Variants in TECRL observed in about 807,000 individuals in gnomAD.
TECRL encodes the protein trans-2,3-enoyl-CoA reductase-like.
TECRL carries 63 observed loss-of-function variants against 52.8 expected under a neutral mutation model. The observed-to-expected ratio is 1.19, with a 90% CI of 0.97 to 1.47. The LOEUF (loss-of-function observed/expected upper bound fraction) is 1.47. TECRL is among the 40% of genes most tolerant of loss of function. The pLI is 0.00. For synonymous variants in TECRL, 164 were observed against 141.9 expected (o/e 1.16, Z -1.10); for missense variants, 482 against 429.6 (o/e 1.12, Z -1.08).
chr4:64,353,431 G>A (rs1227990519), intron 2 of TECRL, among the ~76,000 whole-genome samples: 2 of 152,108 alleles, frequency 1.3e-5, no homozygotes, highest in Admixed American at 6.6e-5. Flanking sequence ...GACTTGAACT[G>A]TGGTTGTTAT....
At chr4:64,338,834 A>G (rs574211881) in intron 2 of TECRL, among the ~76,000 whole-genome samples, 18 of 152,262 alleles carry the variant, frequency 1.2e-4, no homozygotes, top group South Asian at 4.1e-4. Flanking sequence ...CACTGTTGGT[A>G]GGACTGTAAA....
chr4:64,341,688 G>T (rs962721865), intron 2 of TECRL, among the ~76,000 whole-genome samples: 2 of 152,130 alleles, frequency 1.3e-5, no homozygotes, highest in African/African-American at 4.8e-5. Flanking sequence ...GCCTTTCAGG[G>T]AGCCCAGACC....
At chr4:64,372,146 T>C (rs1256893267) in intron 2 of TECRL, among the ~76,000 whole-genome samples, 1 of 151,764 alleles carries the variant, frequency 6.6e-6, no homozygotes, top group Non-Finnish European at 1.5e-5. Context: ...TAAAGGTACA[T>C]TAGCGTGAAA....
At chr4:64,405,762 G>A (rs1724674757) in intron 1 of TECRL, among the ~76,000 whole-genome samples, 2 of 152,068 alleles carry the variant, frequency 1.3e-5, no homozygotes, top group Admixed American at 6.6e-5. Flanking sequence ...TTCCTAATAA[G>A]TCAGTTGAAG....
rs546879453 is a variant in TECRL at position 64,342,308 on chromosome 4, C to G, written c.287-13752G>C. Among the ~76,000 whole-genome samples the G allele has an allele frequency of 2.0e-5, 3 of 152,120 alleles. No individual in the cohort carries two copies. The South Asian group carries it at 6.2e-4, about 32-fold the overall frequency. On this transcript the variant is annotated intron_variant, in intron 2 of 11. Coordinates refer to ENST00000381210, the MANE Select transcript of TECRL (RefSeq NM_001010874.5). Reference sequence around the variant, plus strand: ...AAGTACTCTGGATCATTTTGATCACCACTAGTATATGCAGTGATTGGAGGA... The same window carrying G: ...AAGTACTCTGGATCATTTTGATCACGACTAGTATATGCAGTGATTGGAGGA...
chr4:64,391,605 A>T (rs967361797), intron 1 of TECRL, among the ~76,000 whole-genome samples: 2 of 151,830 alleles, frequency 1.3e-5, no homozygotes, highest in African/African-American at 4.8e-5. Context: ...AACTTTATAT[A>T]TTTAAGATAA....
At chr4:64,365,078 G>T (rs1413748720) in intron 2 of TECRL, among the ~76,000 whole-genome samples, 2 of 151,920 alleles carry the variant, frequency 1.3e-5, no homozygotes, top group Non-Finnish European at 2.9e-5. Context: ...ACAGGATATT[G>T]AACAGGTGGT....
chr4:64,368,727 C>CT (rs1412022429), intron 2 of TECRL, among the ~76,000 whole-genome samples: 1 of 151,952 alleles, frequency 6.6e-6, no homozygotes, highest in South Asian at 2.1e-4. Context: ...ATTTTTCTGG[C>CT]TTTTTTTGTT....
At chr4:64,376,645 T>G (rs796458373) in intron 1 of TECRL, among the ~76,000 whole-genome samples, 47 of 152,052 alleles carry the variant, frequency 3.1e-4, no homozygotes, top group African/African-American at 1.1e-3. Context: ...CCACGTGATA[T>G]TCCCCAGAGT....
At chr4:64,300,052 C>T in intron 7 of TECRL, 35 bp from the exon 8 acceptor site, 2 of 1,512,970 alleles carry the variant, frequency 1.3e-6, no homozygotes, top group South Asian at 1.3e-5. Flanking sequence ...CATGCAGATA[C>T]TCATAGTTTG....
intron 1 of TECRL, among the ~76,000 whole-genome samples, chr4:64,388,250 G>C (rs1356398918): frequency 8.1e-6 from 1 of 123,102 alleles, no homozygotes; most frequent in Non-Finnish European, 1.6e-5. Flanking sequence ...TGGATGTCTA[G>C]TTGCTCCAGC....
intron 1 of TECRL, among the ~76,000 whole-genome samples, chr4:64,379,786 G>T (rs1722652434): frequency 6.6e-6 from 1 of 152,012 alleles, no homozygotes; most frequent in Non-Finnish European, 1.5e-5. Context: ...TTAATATAAT[G>T]ACTTCTAGTT....
rs1051369237 is a variant in TECRL at position 64,313,029 on chromosome 4, T to A, written c.551+1619A>T. On this transcript the variant is annotated intron_variant, in intron 5 of 11. Coordinates refer to ENST00000381210, the MANE Select transcript of TECRL (RefSeq NM_001010874.5). ...CTCCCCAGCCTTGCGGAACTGTGAGTCAATTAAATCTTTTTTTCTTTATAA... is the reference window on the plus strand; with the variant it reads ...CTCCCCAGCCTTGCGGAACTGTGAGACAATTAAATCTTTTTTTCTTTATAA... Among the ~76,000 whole-genome samples, 3 of 152,222 alleles carry A rather than the reference T, an allele frequency of 2.0e-5. No homozygotes were observed. The South Asian group carries it at 6.2e-4, about 32-fold the overall frequency.
At chr4:64,388,379 C>T (rs1482452900) in intron 1 of TECRL, among the ~76,000 whole-genome samples, 1 of 151,712 alleles carries the variant, frequency 6.6e-6, no homozygotes, top group African/African-American at 2.4e-5. Context: ...ATCATTGATA[C>T]ATTTGTTTTT....
At chr4:64,371,056 T>A (rs1721940233) in intron 2 of TECRL, among the ~76,000 whole-genome samples, 1 of 151,702 alleles carries the variant, frequency 6.6e-6, no homozygotes, top group African/African-American at 2.4e-5. Context: ...AATTGTGGTG[T>A]TTACCCACAT....
At chr4:64,287,652 T>G (rs1173152622) in intron 9 of TECRL, among the ~76,000 whole-genome samples, 3 of 152,220 alleles carry the variant, frequency 2.0e-5, no homozygotes, top group African/African-American at 7.2e-5. Context: ...ACTGAGTTTT[T>G]GCATTGTTGA....
chr4:64,371,546 C>T (rs908938695), intron 2 of TECRL, among the ~76,000 whole-genome samples: 3 of 151,386 alleles, frequency 2.0e-5, no homozygotes, highest in African/African-American at 7.3e-5. Context: ...AGCAGACCTT[C>T]GCTTTATCAA....
chr4:64,409,426 T>G lies in TECRL; in HGVS notation c.-75A>C. 6.4e-7 allele frequency: 1 copy of G among 1,556,976 alleles called. No homozygotes were observed. The highest frequency in any genetic ancestry group is 2.3e-5 in the East Asian group (1 of 44,246). ...GTGTGTTCCTTTTGCATCAGTTAAATACTGCTGGAGAACCTTTGAAAGGTC... is the reference window on the plus strand; with the variant it reads ...GTGTGTTCCTTTTGCATCAGTTAAAGACTGCTGGAGAACCTTTGAAAGGTC... On this transcript the variant is annotated 5_prime_UTR_variant, in exon 1 of 12. Transcript: ENST00000381210.
intron 1 of TECRL, among the ~76,000 whole-genome samples, chr4:64,404,411 A>C (rs544994524): frequency 2.0e-5 from 3 of 152,180 alleles, no homozygotes; most frequent in African/African-American, 7.2e-5. Flanking sequence ...TACAAGAAAG[A>C]AATGAGACAA....
Sources: allele counts gnomAD v4.1 joint callset (sites outside exome capture counted in the v4.1 genomes callset), GRCh38; gene constraint gnomAD v4.1.1; transcripts MANE v1.5; gene names NCBI Gene and HGNC (gene_info 2026-07-23, HGNC 2026-07-21).